CACNA1A: variants seen among roughly 807,000 people sequenced by gnomAD.
The protein encoded by CACNA1A is calcium voltage-gated channel subunit alpha1 A.
CACNA1A carries 57 observed loss-of-function variants against 262.4 expected under a neutral mutation model. The ratio of observed to expected loss-of-function variants is 0.22; its 90% CI spans 0.18 to 0.27. The LOEUF is 0.27. Among genes scored for constraint, CACNA1A ranks in the 10% least tolerant of loss-of-function variants. The probability of loss-of-function intolerance (pLI) is 1.00; values close to 1 mark genes in which losing one functional copy is unlikely to be tolerated. For missense variants in CACNA1A, 2,526 were observed against 3,562.8 expected (o/e 0.71, Z 7.41); for synonymous variants, 1,431 against 1,419.3 (o/e 1.01, Z -0.18).
At chr19:13,388,202 T>C (rs2059647948) in intron 3 of CACNA1A, among the ~76,000 whole-genome samples, 2 of 149,484 alleles carry the variant, frequency 1.3e-5, no homozygotes, top group African/African-American at 4.9e-5. Context: ...CATTCTTAAA[T>C]CACCCAGCTT....
At chr19:13,369,442 C>G (rs1685040339) in intron 4 of CACNA1A, among the ~76,000 whole-genome samples, 1 of 152,146 alleles carries the variant, frequency 6.6e-6, no homozygotes, top group Admixed American at 6.5e-5. Context: ...AGAGCCGTCC[C>G]CCAATAAAGC....
intron 3 of CACNA1A, among the ~76,000 whole-genome samples, chr19:13,420,940 A>C (rs1016552717): frequency 3.9e-5 from 6 of 152,162 alleles, no homozygotes; most frequent in African/African-American, 1.4e-4. Context: ...TAGCCAAGTC[A>C]TGGAGTTCCC....
chr19:13,279,722 T>G (rs1319985379), intron 22 of CACNA1A, among the ~76,000 whole-genome samples: 1 of 152,070 alleles, frequency 6.6e-6, no homozygotes, highest in Non-Finnish European at 1.5e-5. Flanking sequence ...TGACCTCACG[T>G]GATCTACCCA....
chr19:13,419,494 T>C (rs576781981), intron 3 of CACNA1A, among the ~76,000 whole-genome samples: 2 of 151,308 alleles, frequency 1.3e-5, no homozygotes, highest in African/African-American at 4.8e-5. Flanking sequence ...TTTGGTAACA[T>C]AGGGAGACCC....
rs138201973 is a variant in CACNA1A at position 13,324,343 on chromosome 19, C to T, written c.1345+5901G>A. Among the ~76,000 whole-genome samples, 488 of 152,086 alleles carry T rather than the reference C, an allele frequency of 3.2e-3. 3 individuals are homozygous for T. Among genetic ancestry groups the T allele is most frequent in the Non-Finnish European group, 5.0e-3 (338 of 67,994 alleles). On this transcript the variant is annotated intron_variant, in intron 10 of 46. Transcript: ENST00000360228. ...TATTGCATTGCATTGCATTGCATCG[C>T]ATTTAGTGATGCATTAATACATTAT...
At chr19:13,350,515 G>T (rs2058887376) in intron 6 of CACNA1A, among the ~76,000 whole-genome samples, 1 of 152,160 alleles carries the variant, frequency 6.6e-6, no homozygotes, top group South Asian at 2.1e-4. Context: ...CTTCCATGAT[G>T]ATTGGAGGTG....
In CACNA1A at chr19:13,253,071, C is replaced by A. The variant is rs769043258; in HGVS notation, c.4786G>T (p.Ala1596Ser). Residue 1596 changes from alanine to serine, a missense_variant, in exon 30 of 47, where the codon GCC becomes TCC. By Grantham distance (99) the Ala-to-Ser change is moderately conservative. Coordinates refer to ENST00000360228, the MANE Select transcript of CACNA1A (RefSeq NM_001127222.2). ...AAGACGATGTTGAACACCCGCAGGG[C>A]ATTTTCATAAGCAACAGAAGCCCCA... ...FYGASVAYEN[A>S]LRVFNIVFTS... The A allele has an allele frequency of 6.2e-7, 1 of 1,613,500 alleles. No homozygotes were observed. The highest frequency in any genetic ancestry group is 8.5e-7 in the Non-Finnish European group (1 of 1,179,484).
intron 2 of CACNA1A, 107 bp from the exon 3 acceptor site, chr19:13,453,122 C>A: frequency 1.7e-6 from 2 of 1,143,100 alleles, no homozygotes; most frequent in African/African-American, 1.5e-5. Context: ...CTCACTTCCC[C>A]TGACCCTCCT....
At chr19:13,268,559 G>A (rs765015342) in intron 24 of CACNA1A, among the ~76,000 whole-genome samples, 7 of 150,946 alleles carry the variant, frequency 4.6e-5, no homozygotes, top group Non-Finnish European at 1.0e-4. Flanking sequence ...TCAGCCTCCC[G>A]AGTGCTGGGA....
At chr19:13,434,367 G>T (rs933479702) in intron 3 of CACNA1A, among the ~76,000 whole-genome samples, 4 of 152,136 alleles carry the variant, frequency 2.6e-5, no homozygotes, top group Non-Finnish European at 5.9e-5. Context: ...GAGATATTAG[G>T]TTGGTGCAAA....
chr19:13,456,559 A>G (rs369096488), intron 1 of CACNA1A, among the ~76,000 whole-genome samples: 190 of 152,228 alleles, frequency 1.2e-3, no homozygotes, highest in African/African-American at 4.2e-3. Flanking sequence ...CTGTAGTCCC[A>G]GCTACTCGGG....
chr19:13,432,871 A>G (rs148318559), intron 3 of CACNA1A, among the ~76,000 whole-genome samples: 12 of 152,224 alleles, frequency 7.9e-5, no homozygotes, highest in Admixed American at 2.0e-4. Context: ...GTTAGAAAAA[A>G]AGTCAGGCTG....
rs1376732755 is a variant in CACNA1A, at chr19:13,208,831, G to A, written c.6705C>T (p.His2235=). ...KDRYAQERPD[H]GRARARDQRW... ...GCTGGTCCCGAGCCCGTGCCCGGCC[G>A]TGGTCCGGCCGTTCCTGGGCATAGC... The change falls in exon 46 of 47, where the codon CAC becomes CAT. Residue 2235 remains histidine (H), a synonymous_variant. Coordinates refer to ENST00000360228, the MANE Select transcript of CACNA1A (RefSeq NM_001127222.2). 28 of 1,542,730 alleles carry A rather than the reference G, an allele frequency of 1.8e-5. No individual in the cohort carries two copies. The highest frequency in any genetic ancestry group is 4.7e-5 in the South Asian group (4 of 84,956).
chr19:13,359,970 A>G (rs2059074022), intron 5 of CACNA1A, among the ~76,000 whole-genome samples, 171 bp from the exon 6 acceptor site: 1 of 150,452 alleles, frequency 6.6e-6, no homozygotes, highest in Non-Finnish European at 1.5e-5. Flanking sequence ...TTGGTTTTCT[A>G]TTGATTAATT....
chr19:13,223,014 T>A (rs2055294489), intron 38 of CACNA1A, among the ~76,000 whole-genome samples: 2 of 151,870 alleles, frequency 1.3e-5, no homozygotes, highest in South Asian at 2.1e-4. Context: ...TTAAAAAAAA[T>A]GTTTTTTTCT....
At chr19:13,416,067 T>C (rs969722503) in intron 3 of CACNA1A, among the ~76,000 whole-genome samples, 15 of 152,174 alleles carry the variant, frequency 9.9e-5, no homozygotes, top group African/African-American at 3.4e-4. Flanking sequence ...GCACTTGAAG[T>C]GCAGCCTGTG....
Position 13,212,308 on chromosome 19 carries a change from T to TGG in CACNA1A, c.6189+75_6189+76insCC. 6.5e-7 allele frequency: 1 copy of TGG among 1,534,362 alleles called. No homozygotes were observed. The highest frequency in any genetic ancestry group is 2.3e-5 in the East Asian group (1 of 44,084). On this transcript the variant is annotated intron_variant, in intron 42 of 46. Coordinates refer to ENST00000360228, the MANE Select transcript of CACNA1A (RefSeq NM_001127222.2). The surrounding 1 kb of genome is among the most constrained non-coding windows in gnomAD (Gnocchi z 5.6). ...AGGGAGGGAGCTGCAGGTGTGTGTG[T>TGG]GTGGGGGGCCCAGATCCCTTCCACC...
chr19:13,210,204 T>A (rs559183152), intron 44 of CACNA1A, among the ~76,000 whole-genome samples: 1 of 152,170 alleles, frequency 6.6e-6, no homozygotes, highest in African/African-American at 2.4e-5. Flanking sequence ...AGGAGGGAGA[T>A]GGGGCAGACG....
At chr19:13,312,515 G>C (rs1404373271) in intron 12 of CACNA1A, 154 bp downstream of exon 12, 1 of 574,898 alleles carries the variant, frequency 1.7e-6, no homozygotes, top group Non-Finnish European at 3.0e-6. Flanking sequence ...CTGTATCCTT[G>C]CCAGTGTTTG....
Sources: allele counts gnomAD v4.1 joint callset (sites outside exome capture counted in the v4.1 genomes callset), GRCh38; gene constraint gnomAD v4.1.1; non-coding constraint Gnocchi (gnomAD v3.1); transcripts MANE v1.5; gene names NCBI Gene and HGNC (gene_info 2026-07-23, HGNC 2026-07-21).